TKFC: variants seen among roughly 807,000 people sequenced by gnomAD.
The protein encoded by TKFC is triokinase/FMN cyclase.
TKFC carries 46 observed loss-of-function variants against 61.0 expected under a neutral mutation model. The ratio of observed to expected loss-of-function variants is 0.75; its 90% CI spans 0.60 to 0.96. TKFC has a LOEUF of 0.96. TKFC is among the 50% of genes least tolerant of loss of function. The pLI is 0.00. For synonymous variants in TKFC, 314 were observed against 330.1 expected, an observed-to-expected ratio of 0.95 and a Z score of 0.53; for missense variants, 715 against 777.5, an observed-to-expected ratio of 0.92 and a Z score of 0.96.
chr11:61,341,448 C>G lies in TKFC; in HGVS notation c.499C>G (p.Leu167Val). The change falls in exon 6 of 18, where the codon CTG becomes GTG. Residue 167 changes from leucine to valine, a missense_variant. Coordinates refer to ENST00000394900, the MANE Select transcript of TKFC (RefSeq NM_015533.4). ...TVLIHKVAGA[L>V]AEAGVGLEEI... ...TTTGTGGCTGCAGGTGGCAGGTGCT[C>G]TGGCTGAGGCTGGTGTGGGGCTGGA... 1.3e-6 allele frequency: 2 copies of G among 1,553,936 alleles called. No homozygotes were observed. Among genetic ancestry groups the G allele is most frequent in the Non-Finnish European group, 1.7e-6 (2 of 1,148,086 alleles).
chr11:61,345,137 G>A lies in TKFC; in HGVS notation c.1241-123G>A, dbSNP rs996678952. ...AGACTGCACACTGGATGTGGAAAGG[G>A]ATCTTGGGAAGCCTTCATTCCACTT... is the stretch of plus-strand genomic sequence containing the variant. On this transcript the variant is annotated intron_variant, in intron 13 of 17. Transcript: ENST00000394900. 2.6e-4 allele frequency: 207 copies of A among 795,912 alleles called. No homozygotes were observed. In the African/African-American group the frequency reaches 3.1e-3, roughly 12 times the overall value. The allele number at this position is 795,912 out of a possible 1,614,324, so 49.3% of individuals were successfully genotyped here. A position where few individuals can be genotyped will look rare whatever the true frequency, so the allele number is the denominator to read the frequency against.
At position 61,339,090 on chromosome 11, in the gene TKFC, C is replaced by G; in HGVS notation, c.218C>G (p.Thr73Ser). ...HAGFIGKGML[T>S]GVIAGAVFTS... ...GGTTTCATAGGGAAGGGGATGCTGA[C>G]TGGGGTCATCGCGGGAGCTGTGTTC... The change falls in exon 4 of 18, where the codon ACT becomes AGT. Residue 73 changes from threonine to serine, a missense_variant. Transcript: ENST00000394900. The G allele has an allele frequency of 6.2e-7, 1 of 1,613,582 alleles. No individual in the cohort carries two copies.
Position 61,345,926 on chromosome 11 carries a change from G to T in TKFC, c.1555G>T (p.Val519Phe), listed in dbSNP as rs1565058860. 2 of 1,613,986 alleles carry T rather than the reference G, an allele frequency of 1.2e-6. No homozygotes were observed. The highest frequency in any genetic ancestry group is 8.5e-7 in the Non-Finnish European group (1 of 1,180,028). ...GAGCCCAGGAGCTGATCTGTTACAA[G>T]TCCTGACCAAAGCAGTCAAGGTGAG... is the stretch of plus-strand genomic sequence containing the variant. ...WKSPGADLLQVLTKAVKSAEA... is the reference protein window; with the variant it reads ...WKSPGADLLQFLTKAVKSAEA... Residue 519 changes from valine to phenylalanine, a missense_variant, in exon 17 of 18, where the codon GTC (valine) becomes TTC (phenylalanine). Transcript: ENST00000394900.
chr11:61,339,476 C>T (rs1590725027), intron 5 of TKFC, 41 bp downstream of exon 5: 7 of 1,560,628 alleles, frequency 4.5e-6, no homozygotes, highest in African/African-American at 4.1e-5. Flanking sequence ...CCAGCCCTTT[C>T]CAGCCTTCCC....
At chr11:61,341,064 G>A (rs978714662) in intron 5 of TKFC, among the ~76,000 whole-genome samples, 1 of 152,030 alleles carries the variant, frequency 6.6e-6, no homozygotes, top group Non-Finnish European at 1.5e-5. Flanking sequence ...GTGGATGGAT[G>A]GATGGATAGA....
chr11:61,339,514 C>T (rs1191238398), intron 5 of TKFC, 79 bp downstream of exon 5: 9 of 1,435,956 alleles, frequency 6.3e-6, no homozygotes, highest in Non-Finnish European at 1.9e-6. Context: ...GTAACTGGAC[C>T]TTTCCAGCCC....
chr11:61,352,797 C>T, downstream of TKFC: 1 of 1,440,210 alleles, frequency 6.9e-7, no homozygotes, highest in Non-Finnish European at 9.1e-7. Context: ...AACTGATGCT[C>T]AATAAATATC....
In TKFC at chr11:61,348,231, C is replaced by G. The variant is rs2167883; in HGVS notation, c.*1728C>G. 2 of 985,246 alleles carry G rather than the reference C, an allele frequency of 2.0e-6. No individual in the cohort carries two copies. Among genetic ancestry groups the G allele is most frequent in the Non-Finnish European group, 1.2e-6 (1 of 829,940 alleles). The allele number at this position is 985,246 out of a possible 1,614,324, so 61.0% of individuals were successfully genotyped here. On this transcript the variant is annotated 3_prime_UTR_variant, in exon 18 of 18. Coordinates refer to ENST00000394900, the MANE Select transcript of TKFC (RefSeq NM_015533.4). ...AGTCACCCTTTTTGAGTCTTGTTTT[C>G]TCAGATTATGAAATAGGAAAAATTT...
rs781277242 is a variant in TKFC at position 61,343,454 on chromosome 11, G to T, written c.978G>T (p.Leu326=). The T allele has an allele frequency of 1.9e-6, 3 of 1,613,854 alleles. No homozygotes were observed. The highest frequency in any genetic ancestry group is 2.5e-6 in the Non-Finnish European group (3 of 1,179,752). ...TGGTGGATGAGCCTCTCCTGAAACTGATAGGTGAGACTTGGAACCTGGGGT... is the reference window on the plus strand; with the variant it reads ...TGGTGGATGAGCCTCTCCTGAAACTTATAGGTGAGACTTGGAACCTGGGGT... ...LLLVDEPLLK[L]IDAETTAAAW... Residue 326 remains leucine (L), a synonymous_variant, in exon 11 of 18, where the codon CTG becomes CTT. Transcript: ENST00000394900.
intron 5 of TKFC, 84 bp from the exon 6 acceptor site, chr11:61,341,352 G>C: frequency 2.0e-6 from 3 of 1,480,892 alleles, no homozygotes; most frequent in Non-Finnish European, 2.8e-6. Flanking sequence ...TTCCCAACAA[G>C]AAATTCATCC....
At chr11:61,351,166 T>C (rs1437439597), downstream of TKFC, 1 of 1,601,378 alleles carries the variant, frequency 6.2e-7, no homozygotes, top group Admixed American at 1.7e-5. Flanking sequence ...GACAAAACAA[T>C]GTGAGCCCTC....
chr11:61,345,235 C>G, intron 13 of TKFC, 25 bp from the exon 14 acceptor site: 1 of 1,507,308 alleles, frequency 6.6e-7, no homozygotes, highest in Non-Finnish European at 8.9e-7. Context: ...TCTCTGAATT[C>G]CTCCCCATCT....
At position 61,343,956 on chromosome 11, in the gene TKFC, T is replaced by C. The variant is rs1313485022; in HGVS notation, c.1083T>C (p.Pro361=). ...CCCCTGCCGAGCCCCAGGAGGCCCC[T>C]GATTCCACTGCTGCAGGAGGTACCA... The part of the protein sequence containing the change: ...RVAPAEPQEA[P]DSTAAGGSAS... The change falls in exon 12 of 18, where the codon CCT becomes CCC. Residue 361 remains proline, a synonymous_variant. Coordinates refer to ENST00000394900, the MANE Select transcript of TKFC (RefSeq NM_015533.4). 6.2e-7 allele frequency: 1 copy of C among 1,611,518 alleles called. No individual in the cohort carries two copies. Among genetic ancestry groups the C allele is most frequent in the Admixed American group, 1.7e-5 (1 of 60,008 alleles).
chr11:61,346,076 G>A lies in TKFC; in HGVS notation c.1575+130G>A. ...TTCCTTCTCTGTACAATGGAGATGA[G>A]CACCTATCTCAGAAGGTGGTTATGT... On this transcript the variant is annotated intron_variant, in intron 17 of 17. Coordinates refer to ENST00000394900, the MANE Select transcript of TKFC (RefSeq NM_015533.4). This position sits in a 1 kb window ranked among gnomAD's most constrained non-coding sequence, Gnocchi z 4.1. The A allele has an allele frequency of 1.8e-6, 2 of 1,139,370 alleles. No homozygotes were observed. Among genetic ancestry groups the A allele is most frequent in the Non-Finnish European group, 2.5e-6 (2 of 814,364 alleles). 70.6% of individuals were successfully genotyped at this position (1,139,370 alleles called of 1,614,324 possible). A position where few individuals can be genotyped will look rare whatever the true frequency, so the allele number is the denominator to read the frequency against.
Position 61,343,938 on chromosome 11 carries a change from C to T in TKFC, c.1065C>T (p.Ala355=), listed in dbSNP as rs747854398. The change falls in exon 12 of 18, where the codon GCC becomes GCT. Residue 355 remains alanine, a synonymous_variant. Transcript: ENST00000394900. ...GGAAGCGGAGCCGGGTAGCCCCTGC[C>T]GAGCCCCAGGAGGCCCCTGATTCCA... is the stretch of plus-strand genomic sequence containing the variant. ...TGRKRSRVAP[A]EPQEAPDSTA... is the part of the protein sequence containing the mutation. 27 of 1,611,398 alleles carry T rather than the reference C, an allele frequency of 1.7e-5. No homozygotes were observed. Among genetic ancestry groups the T allele is most frequent in the Middle Eastern group, 3.3e-4 (2 of 6,084 alleles).
downstream of TKFC, chr11:61,352,844 TTC>T (rs1432796469): frequency 6.7e-7 from 1 of 1,494,386 alleles, no homozygotes; most frequent in Admixed American, 2.6e-5. Context: ...GAAAGATCAA[TTC>T]TGTTACCTTC....
intron 5 of TKFC, among the ~76,000 whole-genome samples, chr11:61,341,049 A>T (rs985022076): frequency 5.9e-5 from 9 of 151,958 alleles, no homozygotes; most frequent in Non-Finnish European, 1.0e-4. Context: ...CTTGGTAAAA[A>T]TTGGGTGGAT....
rs1370672079 is a variant in TKFC, at chr11:61,340,043, C to T, written c.486+608C>T. Among the ~76,000 whole-genome samples, 7 of 151,944 alleles carry T rather than the reference C, an allele frequency of 4.6e-5. No individual in the cohort carries two copies. In the East Asian group the frequency reaches 1.4e-3, roughly 29 times the overall value. On this transcript the variant is annotated intron_variant, in intron 5 of 17. Coordinates refer to ENST00000394900, the MANE Select transcript of TKFC (RefSeq NM_015533.4). The stretch of plus-strand genomic sequence containing the variant: ...ATTTATTTTTTGAGGCAGAGTCTCA[C>T]TCTGTTGCCCAGGCTGGAATGCAGT...
At position 61,343,329 on chromosome 11, in the gene TKFC, T is replaced by A. The variant is rs765765218; in HGVS notation, c.866-13T>A. The A allele has an allele frequency of 6.2e-7, 1 of 1,612,236 alleles. No individual in the cohort carries two copies. The highest frequency in any genetic ancestry group is 1.1e-5 in the South Asian group (1 of 90,994). On this transcript the variant is annotated splice_polypyrimidine_tract_variant and intron_variant, in intron 10 of 17. Coordinates refer to ENST00000394900, the MANE Select transcript of TKFC (RefSeq NM_015533.4). The stretch of plus-strand genomic sequence containing the variant: ...ATTTTTCCCTTTTGGACTGCCACAC[T>A]CTGGTATTGCAGAGGGCCGCGGGGT...
Sources: allele counts gnomAD v4.1 joint callset (sites outside exome capture counted in the v4.1 genomes callset), GRCh38; gene constraint gnomAD v4.1.1; non-coding constraint Gnocchi (gnomAD v3.1); transcripts MANE v1.5; gene names NCBI Gene and HGNC (gene_info 2026-07-23, HGNC 2026-07-21).